STXBP5: variants seen among roughly 807,000 people sequenced by gnomAD.
The protein encoded by STXBP5 is syntaxin-binding protein 5.
STXBP5 carries 50 observed loss-of-function variants against 152.4 expected under a neutral mutation model. The observed-to-expected ratio is 0.33, with a 90% confidence interval of 0.26 to 0.42. STXBP5 has a LOEUF of 0.42. STXBP5 is among the 10% of genes least tolerant of loss of function. The pLI, the probability that STXBP5 is intolerant of heterozygous loss-of-function variation, is 1.00. For synonymous variants in STXBP5, 492 were observed against 494.7 expected (o/e 0.99, Z 0.07); for missense variants, 1,167 against 1,388.6 (o/e 0.84, Z 2.54).
chr6:147,213,602 G>T lies in STXBP5; in HGVS notation c.248+7534G>T, dbSNP rs534710329. 1.6e-3 allele frequency among the ~76,000 whole-genome samples: 249 copies of T among 152,046 alleles called. 4 individuals are homozygous for T. Among genetic ancestry groups the T allele is most frequent in the African/African-American group, 5.7e-3 (238 of 41,482 alleles). On this transcript the variant is annotated intron_variant, in intron 2 of 27. Coordinates refer to ENST00000321680, the MANE Select transcript of STXBP5 (RefSeq NM_001127715.4). ...CTGGGATTAAAGATTATGAGCTACTGTTCCCAGCTACAAGAAGAAAATTAA... is the reference window on the plus strand; with the variant it reads ...CTGGGATTAAAGATTATGAGCTACTTTTCCCAGCTACAAGAAGAAAATTAA...
intron 9 of STXBP5, among the ~76,000 whole-genome samples, chr6:147,309,023 C>CA (rs1782236877): frequency 6.6e-6 from 1 of 152,104 alleles, no homozygotes. Flanking sequence ...AAGCTAGGAA[C>CA]AGAGAGGGTA....
At chr6:147,251,035 C>T (rs1239886856) in intron 4 of STXBP5, among the ~76,000 whole-genome samples, 1 of 151,626 alleles carries the variant, frequency 6.6e-6, no homozygotes, top group African/African-American at 2.4e-5. Flanking sequence ...CTGCAGCTCC[C>T]AGCAAGATCA....
intron 17 of STXBP5, 98 bp from the exon 18 acceptor site, chr6:147,327,027 A>G: frequency 8.9e-7 from 1 of 1,119,290 alleles, no homozygotes; most frequent in Non-Finnish European, 1.3e-6. Flanking sequence ...ATTTTCTGAA[A>G]GACCCACCAT....
intron 6 of STXBP5, among the ~76,000 whole-genome samples, chr6:147,263,428 G>A (rs987492915): frequency 6.8e-6 from 1 of 147,246 alleles, no homozygotes; most frequent in African/African-American, 2.5e-5. Context: ...CTGGGCTCAA[G>A]TGATCCTCCT....
rs1786479023 is a variant in STXBP5, at chr6:147,389,214, T to C, written c.*4459T>C. On this transcript the variant is annotated 3_prime_UTR_variant, in exon 28 of 28. Coordinates refer to ENST00000321680, the MANE Select transcript of STXBP5 (RefSeq NM_001127715.4). The stretch of plus-strand genomic sequence containing the variant: ...AGTGCTATGGGAATTATTTTTCCTG[T>C]GAATATTAATGATTTTACTACTGCC... 6.6e-6 allele frequency: 1 copy of C among 151,736 alleles called. No individual in the cohort carries two copies. The highest frequency in any genetic ancestry group is 1.9e-4 in the East Asian group (1 of 5,174). The allele number at this position is 151,736 out of a possible 1,614,324, so 9.4% of individuals were successfully genotyped here.
rs542283953 is a variant in STXBP5 at position 147,262,364 on chromosome 6, T to C, written c.630+11T>C. Reference sequence around the variant, plus strand: ...ATGGACGAGGGAAAGGTAGAATTTTTTGTAAAAAATTATATATTAAATGCA... The same window carrying C: ...ATGGACGAGGGAAAGGTAGAATTTTCTGTAAAAAATTATATATTAAATGCA... On this transcript the variant is annotated intron_variant, in intron 6 of 27. Coordinates refer to ENST00000321680, the MANE Select transcript of STXBP5 (RefSeq NM_001127715.4). 9 of 1,512,706 alleles carry C rather than the reference T, an allele frequency of 5.9e-6. No individual in the cohort carries two copies. In the East Asian group the frequency reaches 1.4e-4, roughly 24 times the overall value. 93.7% of individuals were successfully genotyped at this position (1,512,706 alleles called of 1,614,324 possible).
chr6:147,373,115 A>G (rs1200106639), intron 25 of STXBP5, among the ~76,000 whole-genome samples: 1 of 151,916 alleles, frequency 6.6e-6, no homozygotes, highest in Non-Finnish European at 1.5e-5. Flanking sequence ...TCATGCCTGT[A>G]CAGCACTTTG....
At chr6:147,238,159 A>C (rs771239305) in intron 3 of STXBP5, among the ~76,000 whole-genome samples, 8 of 152,178 alleles carry the variant, frequency 5.3e-5, no homozygotes, top group Admixed American at 6.5e-5. Flanking sequence ...AAAGAAATTT[A>C]TTTAACTTTT....
intron 8 of STXBP5, among the ~76,000 whole-genome samples, chr6:147,284,101 A>G (rs1780836139): frequency 6.6e-6 from 1 of 152,184 alleles, no homozygotes; most frequent in Non-Finnish European, 1.5e-5. Context: ...AAATTGAGAT[A>G]TTTTATTCTT....
intron 4 of STXBP5, among the ~76,000 whole-genome samples, chr6:147,245,695 A>T (rs1044099072): frequency 4.6e-5 from 7 of 152,220 alleles, no homozygotes; most frequent in African/African-American, 1.4e-4. Context: ...AGTCAAGTTA[A>T]TATGAGATTA....
chr6:147,383,310 C>A (rs1786183677), intron 27 of STXBP5, among the ~76,000 whole-genome samples: 1 of 152,070 alleles, frequency 6.6e-6, no homozygotes, highest in South Asian at 2.1e-4. Context: ...TTCTTAATGC[C>A]TCAGAGTCTA....
intron 23 of STXBP5, among the ~76,000 whole-genome samples, chr6:147,362,042 T>C (rs1176902503): frequency 1.3e-5 from 2 of 152,164 alleles, no homozygotes; most frequent in Non-Finnish European, 2.9e-5. Context: ...TTAATTGATA[T>C]AACAAATACT....
Position 147,385,878 on chromosome 6 carries a change from T to C in STXBP5, c.*1123T>C, listed in dbSNP as rs1292751490. The C allele has an allele frequency of 1.3e-5, 2 of 152,114 alleles. No homozygotes were observed. Among genetic ancestry groups the C allele is most frequent in the Non-Finnish European group, 2.9e-5 (2 of 67,982 alleles). 9.4% of individuals were successfully genotyped at this position (152,114 alleles called of 1,614,324 possible). A position where few individuals can be genotyped will look rare whatever the true frequency, so the allele number is the denominator to read the frequency against. On this transcript the variant is annotated 3_prime_UTR_variant, in exon 28 of 28. Coordinates refer to ENST00000321680, the MANE Select transcript of STXBP5 (RefSeq NM_001127715.4). ...CATGGAAAATTACAAGCATCTGTTG[T>C]CAATAATTATATAAGAGTTTAGTCT... is the stretch of plus-strand genomic sequence containing the variant.
chr6:147,311,776 A>G (rs1562479472), intron 11 of STXBP5, among the ~76,000 whole-genome samples: 1 of 152,122 alleles, frequency 6.6e-6, no homozygotes, highest in South Asian at 2.1e-4. Context: ...TCAACCTGAC[A>G]CTTAGATATC....
At chr6:147,356,465 GTAAT>G (rs1784819769) in intron 22 of STXBP5, among the ~76,000 whole-genome samples, 1 of 151,640 alleles carries the variant, frequency 6.6e-6, no homozygotes, top group African/African-American at 2.4e-5. Flanking sequence ...ATAAATATTT[GTAAT>G]TAATATCATT....
chr6:147,262,654 T>G (rs1348875552), intron 6 of STXBP5, among the ~76,000 whole-genome samples: 1 of 151,976 alleles, frequency 6.6e-6, no homozygotes, highest in Non-Finnish European at 1.5e-5. Context: ...TTAATCCTGG[T>G]AAAAAGTTTG....
At chr6:147,239,390 G>A in intron 4 of STXBP5, 120 bp downstream of exon 4, 3 of 753,550 alleles carry the variant, frequency 4.0e-6, no homozygotes, top group Non-Finnish European at 6.3e-6. Flanking sequence ...TGATTCAGAA[G>A]CTTCAAAGGA....
At chr6:147,220,363 G>A (rs1166089494) in intron 2 of STXBP5, among the ~76,000 whole-genome samples, 1 of 152,086 alleles carries the variant, frequency 6.6e-6, no homozygotes, top group Non-Finnish European at 1.5e-5. Flanking sequence ...ATTGGATAAC[G>A]TAGACTGTAG....
At chr6:147,248,775 C>G (rs1412357822) in intron 4 of STXBP5, among the ~76,000 whole-genome samples, 2 of 152,082 alleles carry the variant, frequency 1.3e-5, no homozygotes, top group Non-Finnish European at 2.9e-5. Context: ...AGACATTTTG[C>G]CAGATGTATT....
Sources: gnomAD v4.1 joint callset for allele counts (sites outside exome capture counted in the v4.1 genomes callset) on GRCh38, gnomAD v4.1.1 for gene constraint, MANE v1.5 for transcripts, NCBI Gene and HGNC (gene_info 2026-07-23, HGNC 2026-07-21) for gene names.